RIOK1: variants seen among roughly 807,000 people sequenced by gnomAD.
The protein encoded by RIOK1 is RIO kinase 1.
A neutral mutation model predicts 73.5 loss-of-function variants in RIOK1; 66 were observed. The observed-to-expected ratio is 0.90, with a 90% CI of 0.74 to 1.10. The LOEUF (loss-of-function observed/expected upper bound fraction) is 1.10, where lower values mean the gene tolerates loss of function less well. Ranked by LOEUF, RIOK1 falls within the 50% of genes least tolerant of loss-of-function variation. The probability of loss-of-function intolerance (pLI) is 0.00; values close to 1 mark genes in which losing one functional copy is unlikely to be tolerated. For synonymous variants in RIOK1, 224 were observed against 226.8 expected (o/e 0.99, Z 0.11); for missense variants, 658 against 699.8 (o/e 0.94, Z 0.67).
chr6:7,392,993 T>C, intron 1 of RIOK1, 106 bp from the exon 2 acceptor site: 1 of 1,301,744 alleles, frequency 7.7e-7, no homozygotes, highest in East Asian at 2.6e-5. Context: ...AAATATATAA[T>C]CTTTTAGATT....
intron 4 of RIOK1, among the ~76,000 whole-genome samples, chr6:7,397,004 C>G (rs1761491810): frequency 6.6e-6 from 1 of 152,012 alleles, no homozygotes; most frequent in South Asian, 2.1e-4. Context: ...TGGCTCATGC[C>G]TGTAATCCCA....
chr6:7,406,258 A>G (rs1251937570), intron 12 of RIOK1, among the ~76,000 whole-genome samples: 1 of 151,950 alleles, frequency 6.6e-6, no homozygotes, highest in Non-Finnish European at 1.5e-5. Flanking sequence ...CAGCCTCCCA[A>G]AGTGCTGGGA....
intron 12 of RIOK1, among the ~76,000 whole-genome samples, chr6:7,408,327 T>G (rs141611407): frequency 6.6e-6 from 1 of 152,142 alleles, no homozygotes; most frequent in South Asian, 2.1e-4. Context: ...ATAAGTCGCC[T>G]TGCCTGGCCA....
rs1243069723 is a variant in RIOK1 at position 7,400,993 on chromosome 6, G to A, written c.516G>A (p.Lys172=). 6.2e-7 allele frequency: 1 copy of A among 1,611,778 alleles called. No homozygotes were observed. The highest frequency in any genetic ancestry group is 1.3e-5 in the African/African-American group (1 of 74,962). Residue 172 remains lysine, a synonymous_variant, in exon 6 of 17, where the codon AAG becomes AAA. Transcript: ENST00000379834. ...CCAGAACAAGAATGATTTTATTCAAGATGTTGACTAGAGGAATCATAACAG... is the reference window on the plus strand; with the variant it reads ...CCAGAACAAGAATGATTTTATTCAAAATGTTGACTAGAGGAATCATAACAG... ...LDPRTRMILF[K]MLTRGIITEI...
At chr6:7,390,950 T>C (rs1175519629) in intron 1 of RIOK1, among the ~76,000 whole-genome samples, 1 of 152,054 alleles carries the variant, frequency 6.6e-6, no homozygotes, top group Non-Finnish European at 1.5e-5. Flanking sequence ...GGTAATCAGA[T>C]TCAAAGATGG....
Position 7,410,005 on chromosome 6 carries a change from G to C in RIOK1, c.1204-381G>C, listed in dbSNP as rs574372742. Among the ~76,000 whole-genome samples, 8 of 152,186 alleles carry C rather than the reference G, an allele frequency of 5.3e-5. No individual in the cohort carries two copies. The South Asian group carries it at 1.2e-3, about 24-fold the overall frequency. ...ACAGCCAGCCTTTGCAATTCCCTTC[G>C]CCGACTGCTCAGGATTTAAGGAATG... On this transcript the variant is annotated intron_variant, in intron 12 of 16. Transcript: ENST00000379834.
chr6:7,403,889 T>G, intron 8 of RIOK1, 52 bp from the exon 9 acceptor site: 1 of 1,257,464 alleles, frequency 8.0e-7, no homozygotes, highest in Non-Finnish European at 1.2e-6. Flanking sequence ...GTAATTTATT[T>G]AGATGCCTTT....
chr6:7,409,218 TG>T, intron 12 of RIOK1, among the ~76,000 whole-genome samples: 1 of 18,564 alleles, frequency 5.4e-5, no homozygotes, highest in Non-Finnish European at 9.1e-5. Flanking sequence ...ACTAATTGTG[TG>T]TGTGTGTGTG....
intron 11 of RIOK1, 94 bp downstream of exon 11, chr6:7,405,115 G>A (rs1429919790): frequency 8.6e-7 from 1 of 1,158,626 alleles, no homozygotes; most frequent in Non-Finnish European, 1.3e-6. Flanking sequence ...TCACTAAATT[G>A]TTTGGTGCAG....
chr6:7,409,920 A>G (rs1302690604), intron 12 of RIOK1, among the ~76,000 whole-genome samples: 1 of 151,786 alleles, frequency 6.6e-6, no homozygotes, highest in African/African-American at 2.4e-5. Context: ...CGTTTCAGTC[A>G]TTGTTTGCTC....
Position 7,404,006 on chromosome 6 carries a change from G to C in RIOK1, c.833G>C (p.Ser278Thr). 1 of 1,610,518 alleles carries C rather than the reference G, an allele frequency of 6.2e-7. No individual in the cohort carries two copies. The highest frequency in any genetic ancestry group is 8.5e-7 in the Non-Finnish European group (1 of 1,177,358). ...CTAAGAAGTCATGTTCTTGTCATGA[G>C]TTTCATCGGTAAAGATGACATGTAA... ...IMLRSHVLVM[S>T]FIGKDDMPAP... Residue 278 changes from serine to threonine, a missense_variant, in exon 9 of 17, where the codon AGT becomes ACT. Coordinates refer to ENST00000379834, the MANE Select transcript of RIOK1 (RefSeq NM_031480.3).
At chr6:7,401,948 C>G (rs1367142343) in intron 6 of RIOK1, among the ~76,000 whole-genome samples, 3 of 152,014 alleles carry the variant, frequency 2.0e-5, no homozygotes, top group African/African-American at 7.2e-5. Context: ...CAAAGTGCTG[C>G]TATTACAGGC....
In RIOK1 at chr6:7,402,812, T is replaced by G; in HGVS notation, c.687-5T>G. On this transcript the variant is annotated splice_polypyrimidine_tract_variant and splice_region_variant and intron_variant, in intron 7 of 16. Coordinates refer to ENST00000379834, the MANE Select transcript of RIOK1 (RefSeq NM_031480.3). ...TTGAAATAATAAACATTTTTCTTAT[T>G]CAAGATTTCGTCATGGCTATTGTAA... 6.2e-7 allele frequency: 1 copy of G among 1,610,182 alleles called. No individual in the cohort carries two copies. Among genetic ancestry groups the G allele is most frequent in the Non-Finnish European group, 8.5e-7 (1 of 1,177,796 alleles).
intron 12 of RIOK1, among the ~76,000 whole-genome samples, chr6:7,409,423 T>G (rs1323042854): frequency 6.6e-6 from 1 of 152,078 alleles, no homozygotes; most frequent in African/African-American, 2.4e-5. Flanking sequence ...CTGGCTAATT[T>G]TTGTGTTTTT....
chr6:7,395,125 G>T lies in RIOK1; in HGVS notation c.349G>T (p.Glu117Ter). The T allele has an allele frequency of 6.2e-7, 1 of 1,612,830 alleles. No individual in the cohort carries two copies. The highest frequency in any genetic ancestry group is 1.1e-5 in the South Asian group (1 of 90,856). Residue 117 changes from glutamate to a stop codon, truncating the protein, a stop_gained, in exon 3 of 17, where the codon GAG becomes TAG. Coordinates refer to ENST00000379834, the MANE Select transcript of RIOK1 (RefSeq NM_031480.3). LOFTEE classifies it high-confidence loss of function. ...AGCAGACAAGGTCTTACGGAAATTT[G>T]AGAATAAAATTAATTTAGGTGAGTT... ...TPADKVLRKF[E>*]NKINLDKLNV...
chr6:7,394,812 G>T (rs185514944), intron 2 of RIOK1, among the ~76,000 whole-genome samples: 56 of 152,198 alleles, frequency 3.7e-4, no homozygotes, highest in Admixed American at 3.6e-3. Flanking sequence ...TATAATAAGA[G>T]GAATCATAGA....
chr6:7,408,965 T>A (rs1430491539), intron 12 of RIOK1, among the ~76,000 whole-genome samples: 1 of 151,670 alleles, frequency 6.6e-6, no homozygotes, highest in Admixed American at 6.6e-5. Flanking sequence ...AGGTGATCCA[T>A]CCGCCTCGGC....
chr6:7,394,943 T>C, intron 2 of RIOK1, 110 bp from the exon 3 acceptor site: 1 of 1,500,786 alleles, frequency 6.7e-7, no homozygotes, highest in Non-Finnish European at 9.1e-7. Flanking sequence ...CTTAAGATAC[T>C]CCTCTAAGTA....
At chr6:7,397,926 G>A (rs1272338429) in intron 4 of RIOK1, among the ~76,000 whole-genome samples, 1 of 152,206 alleles carries the variant, frequency 6.6e-6, no homozygotes, top group Admixed American at 6.5e-5. Context: ...CGGATCACAA[G>A]GTCAGGAGAT....
Sources: allele counts gnomAD v4.1 joint callset (sites outside exome capture counted in the v4.1 genomes callset), GRCh38; gene constraint gnomAD v4.1.1; transcripts MANE v1.5; gene names NCBI Gene and HGNC (gene_info 2026-07-23, HGNC 2026-07-21).